OSBPL9: variants seen among roughly 807,000 people sequenced by gnomAD.
OSBPL9 encodes oxysterol-binding protein-related protein 9.
OSBPL9 carries 40 observed loss-of-function variants against 106.6 expected under a neutral mutation model. The ratio of observed to expected loss-of-function variants is 0.38; its 90% CI spans 0.29 to 0.49. The LOEUF (loss-of-function observed/expected upper bound fraction) is 0.49, where lower values mean the gene tolerates loss of function less well. OSBPL9 is among the 20% of genes least tolerant of loss of function. OSBPL9 has a pLI of 0.97. For missense variants in OSBPL9, 609 were observed against 887.2 expected, an observed-to-expected ratio of 0.69 and a Z score of 3.98; for synonymous variants, 269 against 295.4, an observed-to-expected ratio of 0.91 and a Z score of 0.92.
chr1:51,700,779 T>C (rs1400164377), intron 3 of OSBPL9, among the ~76,000 whole-genome samples: 1 of 152,178 alleles, frequency 6.6e-6, no homozygotes, highest in Non-Finnish European at 1.5e-5. Flanking sequence ...GATACTTTAT[T>C]CTCTTGTGGG....
At chr1:51,739,848 G>A (rs1359383663) in intron 4 of OSBPL9, among the ~76,000 whole-genome samples, 1 of 151,926 alleles carries the variant, frequency 6.6e-6, no homozygotes, top group Non-Finnish European at 1.5e-5. Context: ...TAAAATCATG[G>A]TATAAGTAAT....
At chr1:51,610,641 A>T (rs958581613) in intron 2 of OSBPL9, among the ~76,000 whole-genome samples, 2 of 152,224 alleles carry the variant, frequency 1.3e-5, no homozygotes, top group African/African-American at 4.8e-5. Flanking sequence ...CATTTATTCA[A>T]GAAAGTGGCT....
At chr1:51,681,701 G>A (rs536853510) in intron 3 of OSBPL9, among the ~76,000 whole-genome samples, 1 of 152,110 alleles carries the variant, frequency 6.6e-6, no homozygotes, top group African/African-American at 2.4e-5. Context: ...AGTATCTGTG[G>A]GGAATTGGTT....
At position 51,672,472 on chromosome 1, in the gene OSBPL9, T is replaced by G. The variant is rs1650113345; in HGVS notation, c.241+2960T>G. On this transcript the variant is annotated intron_variant, in intron 3 of 23. Transcript: ENST00000428468. ...TCCATCACTCCAAAAGATTCCTTTA[T>G]GCTCCTGTCAGTCAGTCCCCAGCCC... 2.0e-5 allele frequency among the ~76,000 whole-genome samples: 3 copies of G among 152,186 alleles called. No homozygotes were observed. The South Asian group carries it at 6.2e-4, about 32-fold the overall frequency.
the OSBPL9 span, among the ~76,000 whole-genome samples, chr1:51,554,987 T>C: frequency 1.3e-5 from 2 of 152,096 alleles, no homozygotes; most frequent in African/African-American, 4.8e-5. Context: ...ACACAGAGGG[T>C]CCAAAATCCT....
chr1:51,639,472 G>A (rs1645641798), intron 1 of OSBPL9, among the ~76,000 whole-genome samples: 1 of 152,280 alleles, frequency 6.6e-6, no homozygotes, highest in East Asian at 1.9e-4. Context: ...CCATCAACAT[G>A]TTAAATGTTC....
At chr1:51,614,640 A>G (rs1031631690), upstream of OSBPL9, among the ~76,000 whole-genome samples, 4 of 151,876 alleles carry the variant, frequency 2.6e-5, no homozygotes, top group Non-Finnish European at 4.4e-5. Flanking sequence ...CTAAGAACTA[A>G]TATTTATTTA....
rs1295614462 is a variant in OSBPL9 at position 51,762,025 on chromosome 1, T to C, written c.778+54T>C. On this transcript the variant is annotated intron_variant, in intron 11 of 23. Coordinates refer to ENST00000428468, the MANE Select transcript of OSBPL9 (RefSeq NM_024586.6). ...TCATAACTCTATTAACATTTGAGGT[T>C]TGTTTGTGACCTCTGATGAGGAGGG... 1.4e-5 allele frequency: 19 copies of C among 1,323,062 alleles called. No individual in the cohort carries two copies. In the East Asian group the frequency reaches 3.7e-4, roughly 26 times the overall value. 82.0% of individuals were successfully genotyped at this position (1,323,062 alleles called of 1,614,324 possible). A position where few individuals can be genotyped will look rare whatever the true frequency, so the allele number is the denominator to read the frequency against.
chr1:51,733,440 G>C (rs1238513211), intron 4 of OSBPL9, among the ~76,000 whole-genome samples: 1 of 152,120 alleles, frequency 6.6e-6, no homozygotes, highest in South Asian at 2.1e-4. Context: ...TACCAGACAT[G>C]AGAAACGGGG....
At chr1:51,762,008 CTATTA>C (rs1241225156) in intron 11 of OSBPL9, 37 bp downstream of exon 11, 2 of 1,437,356 alleles carry the variant, frequency 1.4e-6, no homozygotes, top group Non-Finnish European at 2.0e-6. Flanking sequence ...TCTCATAACT[CTATTA>C]ACATTTGAGG....
intron 20 of OSBPL9, 114 bp downstream of exon 20, chr1:51,784,696 G>A (rs1219964028): frequency 3.2e-6 from 4 of 1,246,970 alleles, no homozygotes; most frequent in African/African-American, 1.5e-5. Flanking sequence ...CTTTGTAAGC[G>A]TGTTTCACAT....
chr1:51,623,754 A>T (rs1194777655), intron 1 of OSBPL9, among the ~76,000 whole-genome samples: 2 of 152,308 alleles, frequency 1.3e-5, no homozygotes, highest in East Asian at 3.9e-4. Flanking sequence ...TAGATTTTTG[A>T]ATAGCTTAAA....
intron 2 of OSBPL9, among the ~76,000 whole-genome samples, chr1:51,665,738 A>G (rs1648303090): frequency 6.6e-6 from 1 of 152,206 alleles, no homozygotes; most frequent in Non-Finnish European, 1.5e-5. Context: ...GAAGCCTTCG[A>G]TTAGAGAGGG....
intron 2 of OSBPL9, among the ~76,000 whole-genome samples, chr1:51,661,424 A>G (rs1008556359): frequency 1.3e-5 from 2 of 152,208 alleles, no homozygotes; most frequent in Non-Finnish European, 2.9e-5. Context: ...GTATAGAAAA[A>G]AAACGAAAAG....
chr1:51,788,330 T>C lies in OSBPL9; in HGVS notation c.*541T>C, dbSNP rs1453626975. ...GTATTAAAATCAAGTGTTAGGAAAT[T>C]TCATGGTCTTACCTACAATAACTTT... On this transcript the variant is annotated 3_prime_UTR_variant, in exon 24 of 24. Transcript: ENST00000428468. The C allele has an allele frequency of 6.5e-6, 1 of 152,754 alleles. No homozygotes were observed. Among genetic ancestry groups the C allele is most frequent in the African/African-American group, 2.4e-5 (1 of 41,456 alleles). The allele number at this position is 152,754 out of a possible 1,614,324, so 9.5% of individuals were successfully genotyped here. A position where few individuals can be genotyped will look rare whatever the true frequency, so the allele number is the denominator to read the frequency against.
At chr1:51,663,768 A>G (rs1043476290) in intron 2 of OSBPL9, among the ~76,000 whole-genome samples, 8 of 152,248 alleles carry the variant, frequency 5.3e-5, no homozygotes, top group South Asian at 2.1e-4. Context: ...GCTCATACCC[A>G]TGATATAGAA....
chr1:51,762,170 T>A (rs779857931), intron 11 of OSBPL9, among the ~76,000 whole-genome samples, 199 bp downstream of exon 11: 2 of 152,186 alleles, frequency 1.3e-5, no homozygotes, highest in Non-Finnish European at 2.9e-5. Context: ...TTAAGTTTTA[T>A]TTATTTTTAA....
chr1:51,698,458 A>AT (rs1571155215), intron 3 of OSBPL9, among the ~76,000 whole-genome samples: 2 of 152,250 alleles, frequency 1.3e-5, no homozygotes, highest in East Asian at 3.9e-4. Context: ...GTTCCAGTTT[A>AT]TATGTATATG....
rs1454949042 is a variant in OSBPL9, at chr1:51,711,589, G to A, written c.242-2414G>A. ...TCACTTCCCAGATGGGGTGGCTGCC[G>A]GGCGGAGAGGCTCCTCACTTCTCAG... On this transcript the variant is annotated intron_variant, in intron 3 of 23. Transcript: ENST00000428468. Among the ~76,000 whole-genome samples, 479 of 137,218 alleles carry A rather than the reference G, an allele frequency of 3.5e-3. 6 individuals are homozygous for A. The highest frequency in any genetic ancestry group is 0.013 in the African/African-American group (446 of 33,702). 90.0% of individuals were successfully genotyped at this position (137,218 alleles called of 152,430 possible). A position where few individuals can be genotyped will look rare whatever the true frequency, so the allele number is the denominator to read the frequency against.
Sources: allele counts gnomAD v4.1 joint callset (sites outside exome capture counted in the v4.1 genomes callset), GRCh38; gene constraint gnomAD v4.1.1; transcripts MANE v1.5; gene names NCBI Gene and HGNC (gene_info 2026-07-23, HGNC 2026-07-21).